Variants in PRKG1 observed in about 807,000 individuals in gnomAD.
PRKG1 encodes protein kinase cGMP-dependent 1.
Under a neutral mutation model 88.1 loss-of-function variants are expected in PRKG1, and 35 were observed. The ratio of observed to expected loss-of-function variants is 0.40; its 90% CI spans 0.30 to 0.53. The LOEUF (loss-of-function observed/expected upper bound fraction) is 0.53. Among genes scored for constraint, PRKG1 ranks in the 20% least tolerant of loss-of-function variants. The pLI is 0.59. For missense variants in PRKG1, 540 were observed against 839.8 expected, an observed-to-expected ratio of 0.64 and a Z score of 4.41; for synonymous variants, 303 against 292.5, an observed-to-expected ratio of 1.04 and a Z score of -0.37.
In PRKG1 at chr10:51,698,708, G is replaced by C. The variant is rs761937055; in HGVS notation, c.593-105877G>C. On this transcript the variant is annotated intron_variant, in intron 3 of 17. Coordinates refer to ENST00000373980, the MANE Select transcript of PRKG1 (RefSeq NM_006258.4). ...TTGGGGCTGCATTGCTCCTCCAGGAGTTAAGGAACCAGGACCAGCTCCGGG... is the reference window on the plus strand; with the variant it reads ...TTGGGGCTGCATTGCTCCTCCAGGACTTAAGGAACCAGGACCAGCTCCGGG... 103 of 1,614,112 alleles carry C rather than the reference G, an allele frequency of 6.4e-5. 1 individual carries two copies. The South Asian group carries it at 8.1e-4, about 13-fold the overall frequency.
chr10:51,216,518 A>ATTCCTC (rs202172719), intron 2 of PRKG1, among the ~76,000 whole-genome samples: 2,743 of 152,274 alleles, frequency 0.018, 40 homozygotes, highest in Middle Eastern at 0.045. Flanking sequence ...GGTTTTAAAA[A>ATTCCTC]ACCCGAATAT....
In PRKG1 at chr10:51,316,685, A is replaced by AAAATAAATAAATAAATAAATAAATAAAT. The variant is rs139669190; in HGVS notation, c.479-151011_479-151010insTAAATAAATAAATAAATAAATAAATAAA. Among the ~76,000 whole-genome samples the AAAATAAATAAATAAATAAATAAATAAAT allele has an allele frequency of 9.3e-5, 14 of 150,896 alleles. No homozygotes were observed. In the South Asian group the frequency reaches 1.3e-3, roughly 14 times the overall value. On this transcript the variant is annotated intron_variant, in intron 2 of 17. Coordinates refer to ENST00000373980, the MANE Select transcript of PRKG1 (RefSeq NM_006258.4). ...CGACAAGAGCAAGACTCCGTCTCAA[A>AAAATAAATAAATAAATAAATAAATAAAT]AAATAAATAAATAAATAAATAAATA... is the stretch of plus-strand genomic sequence containing the variant.
At chr10:52,172,013 A>AG (rs1304563593) in intron 9 of PRKG1, among the ~76,000 whole-genome samples, 1 of 150,552 alleles carries the variant, frequency 6.6e-6, no homozygotes, top group Non-Finnish European at 1.5e-5. Context: ...CTTGTTAGCC[A>AG]GGATGGTCTC....
At chr10:51,677,794 T>A (rs1027253537) in intron 3 of PRKG1, among the ~76,000 whole-genome samples, 2 of 152,132 alleles carry the variant, frequency 1.3e-5, no homozygotes, top group African/African-American at 4.8e-5. Flanking sequence ...GACCTCAAGG[T>A]TTTTGTGTAT....
chr10:51,166,667 T>G (rs1271104886), intron 2 of PRKG1, among the ~76,000 whole-genome samples: 1 of 152,138 alleles, frequency 6.6e-6, no homozygotes, highest in African/African-American at 2.4e-5. Flanking sequence ...ATTCTAGTAC[T>G]CAAAGGCACA....
chr10:50,995,072 A>G (rs571516850), intron 1 of PRKG1, among the ~76,000 whole-genome samples: 1 of 152,066 alleles, frequency 6.6e-6, no homozygotes, highest in South Asian at 2.1e-4. Context: ...ATACTGAAGG[A>G]TGACTCTGTA....
chr10:51,649,853 T>C (rs977655057), intron 3 of PRKG1, among the ~76,000 whole-genome samples: 4 of 152,184 alleles, frequency 2.6e-5, no homozygotes, highest in African/African-American at 9.7e-5. Context: ...ATCAGTCTGA[T>C]TGGTTGCAGA....
At chr10:52,166,639 C>T (rs940706794) in intron 9 of PRKG1, among the ~76,000 whole-genome samples, 3 of 148,418 alleles carry the variant, frequency 2.0e-5, no homozygotes, top group African/African-American at 7.4e-5. Flanking sequence ...GAAGCCTTGC[C>T]TTATAAAATT....
intron 5 of PRKG1, among the ~76,000 whole-genome samples, chr10:52,009,366 C>T (rs1844824083): frequency 6.6e-6 from 1 of 152,064 alleles, no homozygotes; most frequent in African/African-American, 2.4e-5. Context: ...AGTGTCATTC[C>T]TATGCACCAA....
At chr10:51,849,637 A>T (rs1840492958) in intron 4 of PRKG1, among the ~76,000 whole-genome samples, 1 of 152,186 alleles carries the variant, frequency 6.6e-6, no homozygotes. Flanking sequence ...CAATGCAACC[A>T]TCTTTTTCTC....
At chr10:51,536,421 C>T (rs908099745) in intron 3 of PRKG1, among the ~76,000 whole-genome samples, 10 of 152,018 alleles carry the variant, frequency 6.6e-5, no homozygotes, top group Admixed American at 5.9e-4. Flanking sequence ...TTCTTTATAG[C>T]TTCTGGATAT....
intron 2 of PRKG1, among the ~76,000 whole-genome samples, chr10:51,167,719 G>T (rs1172014412): frequency 6.6e-6 from 1 of 152,116 alleles, no homozygotes; most frequent in Non-Finnish European, 1.5e-5. Flanking sequence ...GTGAGAGAAA[G>T]ATAAATTAGG....
chr10:51,403,178 C>T (rs767331765), intron 2 of PRKG1, among the ~76,000 whole-genome samples: 1 of 152,120 alleles, frequency 6.6e-6, no homozygotes, highest in Non-Finnish European at 1.5e-5. Context: ...GACAGACTTC[C>T]CCTATGCAGA....
At chr10:51,119,384 T>G (rs1372034554) in intron 1 of PRKG1, among the ~76,000 whole-genome samples, 1 of 152,076 alleles carries the variant, frequency 6.6e-6, no homozygotes, top group Non-Finnish European at 1.5e-5. Context: ...TTAGAGAAAT[T>G]TTCCTGATTA....
chr10:52,114,846 A>T (rs1466309898), intron 7 of PRKG1, among the ~76,000 whole-genome samples: 1 of 152,154 alleles, frequency 6.6e-6, no homozygotes, highest in East Asian at 1.9e-4. Context: ...GTGCACCAGC[A>T]CGTCAGCATT....
chr10:51,949,542 A>G (rs1843135929), intron 5 of PRKG1, among the ~76,000 whole-genome samples: 1 of 152,084 alleles, frequency 6.6e-6, no homozygotes, highest in South Asian at 2.1e-4. Context: ...AAATGATAAG[A>G]AAAGCAACAA....
rs1010112778 is a variant in PRKG1 at position 51,510,716 on chromosome 10, T to C, written c.592+42880T>C. Among the ~76,000 whole-genome samples the C allele has an allele frequency of 2.0e-4, 31 of 151,774 alleles. 1 individual carries two copies. The highest frequency in any genetic ancestry group is 7.2e-4 in the Admixed American group (11 of 15,220). ...AATACTAATGAAAAAATGAGTTAAATATTATATGCCTTTCCCTGCATTGTA... is the reference window on the plus strand; with the variant it reads ...AATACTAATGAAAAAATGAGTTAAACATTATATGCCTTTCCCTGCATTGTA... On this transcript the variant is annotated intron_variant, in intron 3 of 17. Coordinates refer to ENST00000373980, the MANE Select transcript of PRKG1 (RefSeq NM_006258.4).
At chr10:51,737,096 C>T (rs1170661951) in intron 3 of PRKG1, among the ~76,000 whole-genome samples, 1 of 152,164 alleles carries the variant, frequency 6.6e-6, no homozygotes, top group Non-Finnish European at 1.5e-5. Context: ...AGTACACTTT[C>T]AGCCTAAAAA....
intron 9 of PRKG1, among the ~76,000 whole-genome samples, chr10:52,187,758 C>A (rs1386215554): frequency 6.6e-6 from 1 of 152,178 alleles, no homozygotes; most frequent in Non-Finnish European, 1.5e-5. Flanking sequence ...GAGCCAAACA[C>A]TGGTCAATCT....
Sources: allele counts gnomAD v4.1 joint callset (sites outside exome capture counted in the v4.1 genomes callset), GRCh38; gene constraint gnomAD v4.1.1; transcripts MANE v1.5; gene names NCBI Gene and HGNC (gene_info 2026-07-23, HGNC 2026-07-21).